Variants in NOP14 observed in about 807,000 individuals in gnomAD.
The protein encoded by NOP14 is NOP14 nucleolar protein.
In NOP14, 57 loss-of-function variants were observed where a neutral mutation model predicts 101.6. The observed-to-expected ratio is 0.56, with a 90% CI of 0.45 to 0.70. NOP14 has a LOEUF of 0.70. Among genes scored for constraint, NOP14 ranks in the 30% least tolerant of loss-of-function variants. The pLI, the probability that NOP14 is intolerant of heterozygous loss-of-function variation, is 0.00. For missense variants in NOP14, 1,134 were observed against 1,075.5 expected (o/e 1.05, Z -0.76); for synonymous variants, 428 against 424.0 (o/e 1.01, Z -0.12).
Position 2,950,221 on chromosome 4 carries a change from G to A in NOP14, c.1003-8C>T. On this transcript the variant is annotated splice_polypyrimidine_tract_variant and splice_region_variant and intron_variant, in intron 7 of 17. Transcript: ENST00000416614. The stretch of plus-strand genomic sequence containing the variant: ...GACATTCATCTTTCCATCCTACCAA[G>A]AGCGTGGAAACCACAGGGCATGAGG... 2 of 1,612,654 alleles carry A rather than the reference G, an allele frequency of 1.2e-6. No individual in the cohort carries two copies. Among genetic ancestry groups the A allele is most frequent in the Non-Finnish European group, 8.5e-7 (1 of 1,179,906 alleles).
intron 1 of NOP14, among the ~76,000 whole-genome samples, chr4:2,960,799 A>G (rs1194413213): frequency 9.6e-6 from 1 of 103,844 alleles, no homozygotes; most frequent in Non-Finnish European, 1.9e-5. Context: ...CATTAATATT[A>G]ATATATTAAT....
At chr4:2,939,391 T>G (rs369181294) in intron 16 of NOP14, 48 bp from the exon 17 acceptor site, 76 of 1,612,104 alleles carry the variant, frequency 4.7e-5, no homozygotes, top group Non-Finnish European at 6.2e-5. Flanking sequence ...TGTCCCCACC[T>G]CTCAGCCAGA....
chr4:2,961,160 T>G (rs1456369675), intron 1 of NOP14, among the ~76,000 whole-genome samples: 1 of 11,760 alleles, frequency 8.5e-5, no homozygotes, highest in South Asian at 2.6e-3. Flanking sequence ...TAATAATATA[T>G]TAATATGCTA....
chr4:2,963,118 C>A lies in NOP14; in HGVS notation c.195+7G>T, dbSNP rs758522897. ...GCCTTCCGGCTCCCCGTGCGCCCCC[C>A]GCTTACCTTCCTGAGGGCCCGTGCG... On this transcript the variant is annotated splice_region_variant and intron_variant, in intron 1 of 17. Coordinates refer to ENST00000416614, the MANE Select transcript of NOP14 (RefSeq NM_001291978.2). The A allele has an allele frequency of 9.1e-6, 14 of 1,542,812 alleles. No homozygotes were observed. The African/African-American group carries it at 1.9e-4, about 21-fold the overall frequency.
chr4:2,952,003 A>G (rs1233285109), intron 6 of NOP14, among the ~76,000 whole-genome samples: 1 of 151,638 alleles, frequency 6.6e-6, no homozygotes, highest in Non-Finnish European at 1.5e-5. Context: ...GCTACTCAGG[A>G]GGCTGAGGCA....
chr4:2,952,596 C>T (rs1032759889), intron 5 of NOP14, among the ~76,000 whole-genome samples, 199 bp from the exon 6 acceptor site: 3 of 152,148 alleles, frequency 2.0e-5, no homozygotes, highest in Non-Finnish European at 4.4e-5. Flanking sequence ...AGTGGACATT[C>T]GGTCACAAAG....
intron 11 of NOP14, among the ~76,000 whole-genome samples, chr4:2,945,686 G>A (rs1256288523): frequency 6.6e-6 from 1 of 152,238 alleles, no homozygotes; most frequent in African/African-American, 2.4e-5. Flanking sequence ...GCGTACAAAT[G>A]TCTCCCAACC....
chr4:2,959,267 C>T (rs1715541745), intron 1 of NOP14, among the ~76,000 whole-genome samples: 1 of 152,174 alleles, frequency 6.6e-6, no homozygotes, highest in Non-Finnish European at 1.5e-5. Flanking sequence ...TAGTAACTTC[C>T]TACCGTGGCA....
intron 15 of NOP14, chr4:2,941,279 C>G (rs1714159163): frequency 1.6e-5 from 6 of 385,860 alleles, no homozygotes; most frequent in Non-Finnish European, 2.9e-5. Flanking sequence ...AGCTGACTGT[C>G]CAGGCCTGGC....
At chr4:2,962,173 G>C (rs1450936685) in intron 1 of NOP14, among the ~76,000 whole-genome samples, 1 of 152,204 alleles carries the variant, frequency 6.6e-6, no homozygotes. Context: ...ACCACCACGA[G>C]GGGTAGGATG....
rs1271684489 is a variant in NOP14 at position 2,939,241 on chromosome 4, G to C, written c.2421C>G (p.Ile807Met). 1 of 1,613,910 alleles carries C rather than the reference G, an allele frequency of 6.2e-7. No individual in the cohort carries two copies. Among genetic ancestry groups the C allele is most frequent in the African/African-American group, 1.3e-5 (1 of 74,942 alleles). ...TCGCCAGGAACTGATTGTCCTTGCG[G>C]ATTTCTCGAACGGCCCCTTTAAATT... Reference protein sequence around the residue: ...KREFKGAVREIRKDNQFLARM... With the variant: ...KREFKGAVREMRKDNQFLARM... The change falls in exon 17 of 18, where the codon ATC (isoleucine) becomes ATG (methionine). Residue 807 changes from isoleucine to methionine, a missense_variant. Transcript: ENST00000416614.
At chr4:2,954,742 A>T (rs747665159) in intron 3 of NOP14, among the ~76,000 whole-genome samples, 179 bp from the exon 4 acceptor site, 4 of 152,156 alleles carry the variant, frequency 2.6e-5, no homozygotes, top group Non-Finnish European at 5.9e-5. Flanking sequence ...CTTGAGAAAT[A>T]CCCAAGGTAA....
chr4:2,962,238 CA>C (rs924384728), intron 1 of NOP14, among the ~76,000 whole-genome samples: 10 of 152,228 alleles, frequency 6.6e-5, no homozygotes, highest in African/African-American at 2.4e-4. Context: ...GTGGTGAAGA[CA>C]AATGTGTCTC....
At chr4:2,943,585 C>T (rs1438131448) in intron 13 of NOP14, among the ~76,000 whole-genome samples, 2 of 152,202 alleles carry the variant, frequency 1.3e-5, no homozygotes, top group Non-Finnish European at 2.9e-5. Flanking sequence ...CGCCCTCGCT[C>T]CTGAATTCAG....
chr4:2,939,195 T>C lies in NOP14; in HGVS notation c.2467A>G (p.Met823Val), dbSNP rs1483900426. The C allele has an allele frequency of 1.2e-6, 2 of 1,613,930 alleles. No homozygotes were observed. The highest frequency in any genetic ancestry group is 1.7e-5 in the Admixed American group (1 of 60,032). ...FLARMQLSEIMERDAERKRKV... is the reference protein window; with the variant it reads ...FLARMQLSEIVERDAERKRKV... ...CACACACGTCCCCCTCACCGTTCCA[T>C]GATTTCTGAGAGTTGCATCCTCGCC... Residue 823 changes from methionine to valine, a missense_variant, in exon 17 of 18, where the codon ATG becomes GTG. By Grantham distance (21) the Met-to-Val change is conservative (BLOSUM62 1). Coordinates refer to ENST00000416614, the MANE Select transcript of NOP14 (RefSeq NM_001291978.2).
At chr4:2,958,188 C>T (rs573468351) in intron 1 of NOP14, among the ~76,000 whole-genome samples, 1 of 152,258 alleles carries the variant, frequency 6.6e-6, no homozygotes, top group Middle Eastern at 3.4e-3. Flanking sequence ...AGACACAAGG[C>T]AATAAACAAG....
At chr4:2,945,080 A>T (rs770884750) in intron 12 of NOP14, 48 bp downstream of exon 12, 17 of 1,362,222 alleles carry the variant, frequency 1.2e-5, no homozygotes, top group Middle Eastern at 1.8e-4. Flanking sequence ...GGCTCCGGCC[A>T]CCCGTGGTGC....
intron 3 of NOP14, among the ~76,000 whole-genome samples, chr4:2,956,459 A>G (rs3021146): frequency 0.32 from 48,857 of 152,002 alleles, 8,101 homozygotes; most frequent in African/African-American, 0.36. Flanking sequence ...AAAAGCATCT[A>G]TCTACACACC....
chr4:2,943,929 CAG>C, intron 13 of NOP14, 142 bp downstream of exon 13: 1 of 669,226 alleles, frequency 1.5e-6, no homozygotes. Context: ...CACGCTCACA[CAG>C]AGGGACAGAC....
Sources: allele counts gnomAD v4.1 joint callset (sites outside exome capture counted in the v4.1 genomes callset), GRCh38; gene constraint gnomAD v4.1.1; transcripts MANE v1.5; gene names NCBI Gene and HGNC (gene_info 2026-07-23, HGNC 2026-07-21).